DCAF16: variants seen among roughly 807,000 people sequenced by gnomAD.
The protein encoded by DCAF16 is DDB1 and CUL4 associated factor 16, also known as DDB1- and CUL4-associated factor 16.
Under a neutral mutation model 17.3 loss-of-function variants are expected in DCAF16, and 10 were observed. That is an observed-to-expected ratio of 0.58 (90% confidence interval 0.36 to 0.98). DCAF16 has a LOEUF of 0.98. DCAF16 is among the 50% of genes least tolerant of loss of function. The probability of loss-of-function intolerance (pLI) is 0.01; values close to 1 mark genes in which losing one functional copy is unlikely to be tolerated. For synonymous variants in DCAF16, 111 were observed against 92.8 expected (o/e 1.20, Z -1.12); for missense variants, 249 against 247.6 (o/e 1.01, Z -0.04).
At position 17,801,858 on chromosome 4, in the gene DCAF16, C is replaced by T. The variant is rs1719820221; in HGVS notation, c.*1633G>A. 1 of 152,088 alleles carries T rather than the reference C, an allele frequency of 6.6e-6. No homozygotes were observed. Among genetic ancestry groups the T allele is most frequent in the Admixed American group, 6.6e-5 (1 of 15,260 alleles). The allele number at this position is 152,088 out of a possible 1,614,324, so 9.4% of individuals were successfully genotyped here. A position where few individuals can be genotyped will look rare whatever the true frequency, so the allele number is the denominator to read the frequency against. ...AAATTAGAAGGGTTCAATCCCAGCA[C>T]TTTGGGAGGCCGAGGCAGGTGGATC... On this transcript the variant is annotated 3_prime_UTR_variant, in exon 3 of 3. Transcript: ENST00000382247.
At chr4:17,797,066 A>C (rs1305528833), downstream of DCAF16, among the ~76,000 whole-genome samples, 1 of 152,098 alleles carries the variant, frequency 6.6e-6, no homozygotes. Flanking sequence ...CAGCTCAAGC[A>C]ATCCTCCCAA....
At chr4:17,796,655 C>T (rs551719611), downstream of DCAF16, among the ~76,000 whole-genome samples, 2 of 152,132 alleles carry the variant, frequency 1.3e-5, no homozygotes, top group East Asian at 3.9e-4. Flanking sequence ...TGCAGTGAGC[C>T]GAGATCGCAC....
downstream of DCAF16, among the ~76,000 whole-genome samples, chr4:17,798,624 A>C (rs953586519): frequency 6.6e-6 from 1 of 152,050 alleles, no homozygotes; most frequent in Admixed American, 6.6e-5. Flanking sequence ...ATAATAATAA[A>C]AGAAAACCAG....
At chr4:17,808,214 T>C (rs1720506585) in intron 1 of DCAF16, among the ~76,000 whole-genome samples, 1 of 152,254 alleles carries the variant, frequency 6.6e-6, no homozygotes, top group African/African-American at 2.4e-5. Flanking sequence ...GTTTAGATTA[T>C]AGTACTATTA....
At chr4:17,800,112 C>G (rs1719634103), downstream of DCAF16, among the ~76,000 whole-genome samples, 1 of 148,854 alleles carries the variant, frequency 6.7e-6, no homozygotes, top group African/African-American at 2.5e-5. Context: ...CCATTGCACT[C>G]CAGCCTGGGC....
intron 1 of DCAF16, among the ~76,000 whole-genome samples, chr4:17,808,135 A>G (rs1055378425): frequency 6.6e-6 from 1 of 152,254 alleles, no homozygotes; most frequent in African/African-American, 2.4e-5. Context: ...ATCAACATAT[A>G]TGATGCTACT....
At chr4:17,800,364 C>T (rs758377986), downstream of DCAF16, among the ~76,000 whole-genome samples, 1 of 152,080 alleles carries the variant, frequency 6.6e-6, no homozygotes, top group Non-Finnish European at 1.5e-5. Context: ...AGTGTTTATG[C>T]CACACAAAAA....
the DCAF16 span, among the ~76,000 whole-genome samples, chr4:17,794,191 T>G: frequency 2.4e-4 from 36 of 152,302 alleles, 1 homozygote; most frequent in South Asian, 3.9e-3. Context: ...ATCTGAAATG[T>G]GTGGGAACAG....
chr4:17,810,178 T>G (rs961815645), intron 1 of DCAF16, among the ~76,000 whole-genome samples: 1 of 152,222 alleles, frequency 6.6e-6, no homozygotes, highest in African/African-American at 2.4e-5. Context: ...CATTTAAAAT[T>G]TAAAAACCTA....
In DCAF16 at chr4:17,803,891, C is replaced by T; in HGVS notation, c.251G>A (p.Ser84Asn). ...CTCTCGAAGTATATGGACTGGTGTG[C>T]TTGGATCCAACAGTTTAGCATGATA... ...WLYHAKLLDPSTPVHILREIG... is the reference protein window; with the variant it reads ...WLYHAKLLDPNTPVHILREIG... Residue 84 changes from serine (S) to asparagine (N), a missense_variant, in exon 3 of 3, where the codon AGC becomes AAC. Transcript: ENST00000382247. 1 of 1,614,076 alleles carries T rather than the reference C, an allele frequency of 6.2e-7. No individual in the cohort carries two copies. Among genetic ancestry groups the T allele is most frequent in the Non-Finnish European group, 8.5e-7 (1 of 1,180,020 alleles).
rs1290850733 is a variant in DCAF16, at chr4:17,802,738, T to G, written c.*753A>C. On this transcript the variant is annotated 3_prime_UTR_variant, in exon 3 of 3. Transcript: ENST00000382247. ...GGGAAAGAAATTCATAGCCCTGCCA[T>G]TTTCCTTTGTGTAGTTACTCAATTT... 1.3e-5 allele frequency: 2 copies of G among 152,158 alleles called. No individual in the cohort carries two copies. Among genetic ancestry groups the G allele is most frequent in the African/African-American group, 4.8e-5 (2 of 41,444 alleles). 9.4% of individuals were successfully genotyped at this position (152,158 alleles called of 1,614,324 possible).
At chr4:17,806,547 C>T (rs1720343424) in intron 1 of DCAF16, among the ~76,000 whole-genome samples, 1 of 152,086 alleles carries the variant, frequency 6.6e-6, no homozygotes, top group African/African-American at 2.4e-5. Context: ...TATGTAAGAC[C>T]TAATAAACAA....
chr4:17,798,241 GTTT>G (rs1439058075), downstream of DCAF16, among the ~76,000 whole-genome samples: 1 of 150,260 alleles, frequency 6.7e-6, no homozygotes, highest in Non-Finnish European at 1.5e-5. Flanking sequence ...TGTTGCTAAC[GTTT>G]TTAACTGACT....
the DCAF16 span, among the ~76,000 whole-genome samples, chr4:17,793,686 C>T: frequency 9.2e-5 from 14 of 152,014 alleles, no homozygotes; most frequent in African/African-American, 2.9e-4. Flanking sequence ...GTTATTTCTG[C>T]GAGATGTATA....
intron 1 of DCAF16, among the ~76,000 whole-genome samples, chr4:17,807,263 G>T (rs990604389): frequency 6.6e-6 from 1 of 152,200 alleles, no homozygotes; most frequent in Non-Finnish European, 1.5e-5. Flanking sequence ...TTTCTGGACT[G>T]AACTAAAGAT....
Position 17,804,446 on chromosome 4 carries a change from C to A in DCAF16, c.-305G>T. 1 of 357,716 alleles carries A rather than the reference C, an allele frequency of 2.8e-6. No individual in the cohort carries two copies. 22.2% of individuals were successfully genotyped at this position (357,716 alleles called of 1,614,324 possible). On this transcript the variant is annotated 5_prime_UTR_variant, in exon 3 of 3. Coordinates refer to ENST00000382247, the MANE Select transcript of DCAF16 (RefSeq NM_017741.4). ...GTATCTCCTTCAAATCCTGGCTACCCAAGAATAGAAGGGGTCCTCATCTAG... is the reference window on the plus strand; with the variant it reads ...GTATCTCCTTCAAATCCTGGCTACCAAAGAATAGAAGGGGTCCTCATCTAG...
the DCAF16 span, among the ~76,000 whole-genome samples, chr4:17,794,062 T>A: frequency 6.6e-6 from 1 of 152,158 alleles, no homozygotes; most frequent in Non-Finnish European, 1.5e-5. Flanking sequence ...AGGAATATAT[T>A]ATGGACCAGC....
downstream of DCAF16, among the ~76,000 whole-genome samples, chr4:17,799,912 G>A (rs909816963): frequency 6.6e-6 from 1 of 152,252 alleles, no homozygotes; most frequent in East Asian, 1.9e-4. Flanking sequence ...CACTTTGGGA[G>A]GCTGAGGTGG....
At position 17,803,978 on chromosome 4, in the gene DCAF16, T is replaced by A; in HGVS notation, c.164A>T (p.Gln55Leu). Residue 55 changes from glutamine (Q) to leucine (L), a missense_variant, in exon 3 of 3, where the codon CAG (glutamine) becomes CTG (leucine). Physicochemically the swap from Gln to Leu is moderately radical, Grantham distance 113. Coordinates refer to ENST00000382247, the MANE Select transcript of DCAF16 (RefSeq NM_017741.4). ...NLSPLESLAW[Q>L]VKCLLKYSTT... is the part of the protein sequence containing the mutation. The stretch of plus-strand genomic sequence containing the variant: ...GGAATATTTTAAAAGGCACTTAACC[T>A]GCCAGGCAAGACTCTCAAGAGGCGA... The A allele has an allele frequency of 6.2e-7, 1 of 1,614,228 alleles. No individual in the cohort carries two copies. The highest frequency in any genetic ancestry group is 2.2e-5 in the East Asian group (1 of 44,892).
Sources: allele counts gnomAD v4.1 joint callset (sites outside exome capture counted in the v4.1 genomes callset), GRCh38; gene constraint gnomAD v4.1.1; transcripts MANE v1.5; gene names NCBI Gene and HGNC (gene_info 2026-07-23, HGNC 2026-07-21).